The following DYRK1A variants were observed in gnomAD, a reference collection of about 807,000 sequenced individuals.
DYRK1A encodes the protein dual specificity tyrosine-phosphorylation-regulated kinase 1A.
In DYRK1A, 9 loss-of-function variants were observed where a neutral mutation model predicts 79.7. The ratio of observed to expected loss-of-function variants is 0.11; its 90% CI spans 0.07 to 0.20. DYRK1A has a LOEUF of 0.20. Among genes scored for constraint, DYRK1A ranks in the 10% least tolerant of loss-of-function variants. The pLI is 1.00. For missense variants in DYRK1A, 622 were observed against 956.0 expected (o/e 0.65, Z 4.61); for synonymous variants, 349 against 329.7 (o/e 1.06, Z -0.63).
At chr21:37,410,947 G>A (rs909126377) in intron 1 of DYRK1A, among the ~76,000 whole-genome samples, 1 of 151,070 alleles carries the variant, frequency 6.6e-6, no homozygotes, top group Non-Finnish European at 1.5e-5. Context: ...TACTAGGGAT[G>A]CCGAGGCATG....
At chr21:37,498,589 A>G (rs965718520) in intron 9 of DYRK1A, among the ~76,000 whole-genome samples, 1 of 152,120 alleles carries the variant, frequency 6.6e-6, no homozygotes, top group African/African-American at 2.4e-5. Context: ...ATTTATATTC[A>G]CCTGTCAGTG....
Position 37,388,503 on chromosome 21 carries a change from A to G in DYRK1A, c.-77+20875A>G, listed in dbSNP as rs1430929009. On this transcript the variant is annotated intron_variant, in intron 1 of 11. Coordinates refer to ENST00000647188, the MANE Select transcript of DYRK1A (RefSeq NM_001347721.2). Reference sequence around the variant, plus strand: ...CCAATTCCTTTGTCATACCTTTAAAAGGTTAACAGTGAGTCTTCCAGTATC... The same window carrying G: ...CCAATTCCTTTGTCATACCTTTAAAGGGTTAACAGTGAGTCTTCCAGTATC... 2.0e-5 allele frequency among the ~76,000 whole-genome samples: 3 copies of G among 152,340 alleles called. No homozygotes were observed. The East Asian group carries it at 5.8e-4, about 29-fold the overall frequency.
At chr21:37,486,938 T>C (rs1422023320) in intron 6 of DYRK1A, 8 of 171,266 alleles carry the variant, frequency 4.7e-5, no homozygotes, top group Admixed American at 3.2e-4. Context: ...CCAGTAACTT[T>C]AACCATTTCT....
chr21:37,493,757 C>T lies in DYRK1A; in HGVS notation c.1071+594C>T, dbSNP rs147524947. ...TAGACTTTCATTGTTTTAAAAACTA[C>T]ACCTGTGGGGTTTTGTTTGTTTTTT... On this transcript the variant is annotated intron_variant, in intron 8 of 11. Coordinates refer to ENST00000647188, the MANE Select transcript of DYRK1A (RefSeq NM_001347721.2). Among the ~76,000 whole-genome samples, 601 of 152,224 alleles carry T rather than the reference C, an allele frequency of 3.9e-3. 4 individuals are homozygous for T. The highest frequency in any genetic ancestry group is 5.4e-3 in the Non-Finnish European group (366 of 68,012).
At chr21:37,414,304 A>T (rs2050296734) in intron 1 of DYRK1A, among the ~76,000 whole-genome samples, 1 of 152,136 alleles carries the variant, frequency 6.6e-6, no homozygotes, top group Non-Finnish European at 1.5e-5. Flanking sequence ...GGCCAAAAGC[A>T]GTGGCTTAGT....
At chr21:37,443,803 G>A (rs917495787) in intron 2 of DYRK1A, among the ~76,000 whole-genome samples, 1 of 152,128 alleles carries the variant, frequency 6.6e-6, no homozygotes, top group African/African-American at 2.4e-5. Flanking sequence ...TCCTGTGTGT[G>A]TGTCTGTCTC....
At chr21:37,383,006 T>C (rs1334391463) in intron 1 of DYRK1A, among the ~76,000 whole-genome samples, 1 of 152,184 alleles carries the variant, frequency 6.6e-6, no homozygotes, top group Non-Finnish European at 1.5e-5. Context: ...AGTCTTTATC[T>C]TAGGAGTCTT....
At chr21:37,497,785 T>C (rs1266497303) in intron 9 of DYRK1A, among the ~76,000 whole-genome samples, 1 of 152,174 alleles carries the variant, frequency 6.6e-6, no homozygotes, top group Non-Finnish European at 1.5e-5. Flanking sequence ...GGTGGGGGCA[T>C]TTCAGAAATG....
intron 2 of DYRK1A, among the ~76,000 whole-genome samples, chr21:37,448,696 T>G: frequency 6.6e-6 from 1 of 152,164 alleles, no homozygotes; most frequent in Admixed American, 6.5e-5. Flanking sequence ...AAAATTTTTT[T>G]TGTTTGTTTT....
intron 1 of DYRK1A, among the ~76,000 whole-genome samples, chr21:37,406,769 AT>A (rs1209338428): frequency 6.7e-6 from 1 of 148,516 alleles, no homozygotes; most frequent in Non-Finnish European, 1.5e-5. Context: ...ATATATGTAT[AT>A]ATCTCTATAT....
chr21:37,503,529 C>T (rs1214956177), intron 9 of DYRK1A: 1 of 152,168 alleles, frequency 6.6e-6, no homozygotes, highest in Non-Finnish European at 1.5e-5. Flanking sequence ...TCAAGCAGTT[C>T]TTCTACCTCA....
intron 1 of DYRK1A, among the ~76,000 whole-genome samples, chr21:37,412,505 A>G (rs1041751910): frequency 6.6e-5 from 10 of 152,170 alleles, no homozygotes; most frequent in African/African-American, 2.4e-4. Context: ...TTTTGGGAGT[A>G]GAGTCTGATG....
At chr21:37,401,186 T>A (rs932081083) in intron 1 of DYRK1A, among the ~76,000 whole-genome samples, 1 of 152,142 alleles carries the variant, frequency 6.6e-6, no homozygotes, top group African/African-American at 2.4e-5. Context: ...GACTATATTT[T>A]TCTTATTGTG....
intron 5 of DYRK1A, among the ~76,000 whole-genome samples, chr21:37,483,562 C>A (rs1357712599): frequency 2.0e-5 from 3 of 151,588 alleles, no homozygotes; most frequent in Non-Finnish European, 4.4e-5. Context: ...CTTTGGGAGT[C>A]CTTTTTTTTG....
intron 5 of DYRK1A, among the ~76,000 whole-genome samples, chr21:37,485,943 C>T (rs1046584576): frequency 4.6e-5 from 7 of 151,840 alleles, no homozygotes; most frequent in African/African-American, 1.7e-4. Context: ...TAGTCTAAAC[C>T]AATTTTTCTT....
chr21:37,399,693 TTTACA>T (rs968462467), intron 1 of DYRK1A, among the ~76,000 whole-genome samples: 6 of 152,042 alleles, frequency 3.9e-5, no homozygotes, highest in Non-Finnish European at 5.9e-5. Flanking sequence ...GCGTGGAGAG[TTTACA>T]TTACATGTCT....
chr21:37,500,477 C>G (rs945418692), intron 9 of DYRK1A, among the ~76,000 whole-genome samples: 3 of 151,970 alleles, frequency 2.0e-5, no homozygotes. Flanking sequence ...TTGTGCTGGA[C>G]TTGTGAAACT....
chr21:37,391,661 G>T (rs1413775863), intron 1 of DYRK1A, among the ~76,000 whole-genome samples: 1 of 152,044 alleles, frequency 6.6e-6, no homozygotes, highest in Non-Finnish European at 1.5e-5. Flanking sequence ...AATCTTCCAC[G>T]ATTCTCCTTT....
intron 2 of DYRK1A, among the ~76,000 whole-genome samples, chr21:37,451,326 A>ATTC (rs1364691744): frequency 1.3e-5 from 2 of 151,874 alleles, no homozygotes; most frequent in African/African-American, 4.8e-5. Flanking sequence ...CTTTGCATTC[A>ATTC]TTCACTCATC....
Sources: gnomAD v4.1 joint callset for allele counts (sites outside exome capture counted in the v4.1 genomes callset) on GRCh38, gnomAD v4.1.1 for gene constraint, MANE v1.5 for transcripts, NCBI Gene and HGNC (gene_info 2026-07-23, HGNC 2026-07-21) for gene names.